Variants in CNTNAP2 observed in about 807,000 individuals in gnomAD.
CNTNAP2 encodes contactin-associated protein-like 2.
Under a neutral mutation model 155.2 loss-of-function variants are expected in CNTNAP2, and 98 were observed. The observed-to-expected ratio is 0.63, with a 90% CI of 0.54 to 0.75. CNTNAP2 has a LOEUF of 0.75. Among genes scored for constraint, CNTNAP2 ranks in the 30% least tolerant of loss-of-function variants. The pLI, the probability that CNTNAP2 is intolerant of heterozygous loss-of-function variation, is 0.00. For missense variants in CNTNAP2, 1,727 were observed against 1,688.1 expected (o/e 1.02, Z -0.40); for synonymous variants, 651 against 631.2 (o/e 1.03, Z -0.47).
chr7:147,423,484 A>G (rs826650), intron 10 of CNTNAP2, among the ~76,000 whole-genome samples: 18,855 of 152,178 alleles, frequency 0.12, 1,433 homozygotes, highest in East Asian at 0.32. Flanking sequence ...GTGTATCTTC[A>G]AGGAATAAAC....
intron 3 of CNTNAP2, among the ~76,000 whole-genome samples, chr7:146,989,814 G>T (rs1798177672): frequency 6.6e-6 from 1 of 151,986 alleles, no homozygotes; most frequent in Non-Finnish European, 1.5e-5. Context: ...AGAATAAAAT[G>T]CATTTCTTAG....
chr7:147,451,758 T>C (rs1404419194), intron 10 of CNTNAP2, among the ~76,000 whole-genome samples: 4 of 147,964 alleles, frequency 2.7e-5, no homozygotes, highest in Admixed American at 6.9e-5. Context: ...TGAATGTTTG[T>C]TTCTTCCAAA....
chr7:147,798,300 GAAATT>G (rs1797934664), intron 13 of CNTNAP2, among the ~76,000 whole-genome samples: 1 of 151,966 alleles, frequency 6.6e-6, no homozygotes, highest in Non-Finnish European at 1.5e-5. Flanking sequence ...AGTCAGATGA[GAAATT>G]AAATACAGTA....
intron 1 of CNTNAP2, among the ~76,000 whole-genome samples, chr7:146,406,050 C>A (rs1795785525): frequency 1.3e-5 from 2 of 152,194 alleles, no homozygotes. Context: ...ATCACAATTC[C>A]TGTCACTGAG....
intron 14 of CNTNAP2, among the ~76,000 whole-genome samples, chr7:147,932,604 C>T (rs1217457215): frequency 2.0e-5 from 3 of 152,152 alleles, no homozygotes; most frequent in Non-Finnish European, 4.4e-5. Flanking sequence ...AACTGTAAAT[C>T]CTTAGAAGAA....
At chr7:146,491,278 G>A (rs377159066) in intron 1 of CNTNAP2, among the ~76,000 whole-genome samples, 5 of 151,848 alleles carry the variant, frequency 3.3e-5, no homozygotes, top group African/African-American at 1.2e-4. Flanking sequence ...TCCCACACCC[G>A]TGTGAGCTTT....
intron 10 of CNTNAP2, among the ~76,000 whole-genome samples, chr7:147,478,168 T>G (rs7805297): frequency 0.77 from 116,232 of 150,816 alleles, 45,065 homozygotes; most frequent in African/African-American, 0.85. Flanking sequence ...TTTTGGGTGG[T>G]GGGGGAGGGA....
chr7:146,380,784 C>CTTTTTTTTTTTTTTTTT (rs56886106), intron 1 of CNTNAP2, among the ~76,000 whole-genome samples: 2 of 38,820 alleles, frequency 5.2e-5, no homozygotes, highest in African/African-American at 7.8e-5. Context: ...TATGCACGTT[C>CTTTTTTTTTTTTTTTTT]TTTTTTTTTT....
chr7:147,713,976 G>A (rs1247310060), intron 13 of CNTNAP2, among the ~76,000 whole-genome samples: 2 of 152,084 alleles, frequency 1.3e-5, no homozygotes, highest in African/African-American at 4.8e-5. Flanking sequence ...TTGTTAAATT[G>A]CAGATCATTA....
intron 13 of CNTNAP2, among the ~76,000 whole-genome samples, chr7:147,650,940 A>G (rs996041104): frequency 2.0e-5 from 3 of 152,220 alleles, no homozygotes; most frequent in African/African-American, 7.2e-5. Flanking sequence ...TTTAGAATTC[A>G]TAATGACTTC....
chr7:148,084,490 T>C lies in CNTNAP2; in HGVS notation c.2384-33628T>C, dbSNP rs557457888. Among the ~76,000 whole-genome samples the C allele has an allele frequency of 2.3e-3, 351 of 152,356 alleles. 1 individual carries two copies. Among genetic ancestry groups the C allele is most frequent in the African/African-American group, 8.0e-3 (333 of 41,598 alleles). Reference sequence around the variant, plus strand: ...ACTCTTGTGGCTCTCAGACCTTGAATATAATTCTTTGCTGAAAATTCTTTA... The same window carrying C: ...ACTCTTGTGGCTCTCAGACCTTGAACATAATTCTTTGCTGAAAATTCTTTA... On this transcript the variant is annotated intron_variant, in intron 15 of 23. Coordinates refer to ENST00000361727, the MANE Select transcript of CNTNAP2 (RefSeq NM_014141.6).
chr7:147,287,733 A>T (rs1395529566), intron 8 of CNTNAP2, among the ~76,000 whole-genome samples: 1 of 151,044 alleles, frequency 6.6e-6, no homozygotes, highest in East Asian at 2.0e-4. Context: ...CCCAACCTCG[A>T]CTCCCTCCCC....
At chr7:147,933,817 C>G (rs1380835808) in intron 14 of CNTNAP2, among the ~76,000 whole-genome samples, 1 of 151,996 alleles carries the variant, frequency 6.6e-6, no homozygotes, top group Non-Finnish European at 1.5e-5. Context: ...GAGCCAAGAT[C>G]GCACCATTGC....
At chr7:146,303,309 T>C (rs886471162) in intron 1 of CNTNAP2, among the ~76,000 whole-genome samples, 2 of 152,112 alleles carry the variant, frequency 1.3e-5, no homozygotes, top group Admixed American at 1.3e-4. Flanking sequence ...CTCATTTGCC[T>C]CAATTATAAG....
At chr7:148,327,881 TCTC>T (rs1439252203) in intron 21 of CNTNAP2, among the ~76,000 whole-genome samples, 1 of 151,590 alleles carries the variant, frequency 6.6e-6, no homozygotes, top group Non-Finnish European at 1.5e-5. Context: ...GACCTAATCA[TCTC>T]CACACTGGAT....
At chr7:146,814,235 G>A (rs569097643) in intron 2 of CNTNAP2, among the ~76,000 whole-genome samples, 4 of 152,028 alleles carry the variant, frequency 2.6e-5, no homozygotes, top group African/African-American at 9.7e-5. Context: ...AACAGATCTG[G>A]AATTGAATCT....
intron 1 of CNTNAP2, among the ~76,000 whole-genome samples, chr7:146,334,687 C>A (rs757407120): frequency 2.6e-5 from 4 of 152,126 alleles, no homozygotes; most frequent in Non-Finnish European, 4.4e-5. Flanking sequence ...GGTCCCATGA[C>A]AATGTCACCA....
chr7:147,732,808 T>A (rs893017335), intron 13 of CNTNAP2, among the ~76,000 whole-genome samples: 5 of 151,662 alleles, frequency 3.3e-5, no homozygotes, highest in African/African-American at 1.2e-4. Context: ...CATTTTTTCA[T>A]CATCTTGGCT....
chr7:147,631,469 A>G (rs896927729), intron 12 of CNTNAP2, among the ~76,000 whole-genome samples: 4 of 152,164 alleles, frequency 2.6e-5, no homozygotes, highest in Admixed American at 2.0e-4. Flanking sequence ...TCACAGAACT[A>G]TAAAAAACAA....
Sources: allele counts gnomAD v4.1 joint callset (sites outside exome capture counted in the v4.1 genomes callset), GRCh38; gene constraint gnomAD v4.1.1; transcripts MANE v1.5; gene names NCBI Gene and HGNC (gene_info 2026-07-23, HGNC 2026-07-21).